ZFPM2: variants seen among roughly 807,000 people sequenced by gnomAD.
ZFPM2 encodes zinc finger protein ZFPM2.
ZFPM2 carries 20 observed loss-of-function variants against 98.6 expected under a neutral mutation model. The ratio of observed to expected loss-of-function variants is 0.20; its 90% CI spans 0.14 to 0.29. The LOEUF is 0.29. Among genes scored for constraint, ZFPM2 ranks in the 10% least tolerant of loss-of-function variants. ZFPM2 has a pLI of 1.00. For missense variants in ZFPM2, 1,310 were observed against 1,388.6 expected (o/e 0.94, Z 0.90); for synonymous variants, 518 against 502.7 (o/e 1.03, Z -0.41).
At chr8:105,348,493 AT>A (rs1480511870) in intron 1 of ZFPM2, among the ~76,000 whole-genome samples, 2 of 152,188 alleles carry the variant, frequency 1.3e-5, no homozygotes, top group African/African-American at 2.4e-5. Flanking sequence ...GTGAAAGCCT[AT>A]TGATTATATT....
chr8:105,482,883 T>C (rs1320417592), intron 3 of ZFPM2, among the ~76,000 whole-genome samples: 2 of 149,884 alleles, frequency 1.3e-5, no homozygotes, highest in African/African-American at 4.9e-5. Flanking sequence ...CTTTCTTTCC[T>C]TCCTTCCTTC....
intron 5 of ZFPM2, among the ~76,000 whole-genome samples, chr8:105,648,445 C>A (rs1586172807): frequency 6.6e-6 from 1 of 152,210 alleles, no homozygotes; most frequent in Admixed American, 6.5e-5. Flanking sequence ...GACATGAAGT[C>A]CTTGCCCATG....
Position 105,799,590 on chromosome 8 carries a change from G to A in ZFPM2, c.964+642G>A, listed in dbSNP as rs11997217. Among the ~76,000 whole-genome samples, 1,124 of 152,116 alleles carry A rather than the reference G, an allele frequency of 7.4e-3. 17 individuals are homozygous for A. The highest frequency in any genetic ancestry group is 0.026 in the African/African-American group (1,064 of 41,530). On this transcript the variant is annotated intron_variant, in intron 7 of 7. Transcript: ENST00000407775. ...CCCTCTCAATAGCAAGGTGGCAACT[G>A]TTTCTATTTAATTTGGAATTGTATG...
intron 5 of ZFPM2, among the ~76,000 whole-genome samples, chr8:105,726,196 T>G (rs919663745): frequency 1.3e-5 from 2 of 151,598 alleles, no homozygotes; most frequent in African/African-American, 4.8e-5. Flanking sequence ...TATTTTTCTG[T>G]TTTTGCATGA....
intron 4 of ZFPM2, among the ~76,000 whole-genome samples, chr8:105,603,876 G>T (rs1816143657): frequency 6.6e-6 from 1 of 151,934 alleles, no homozygotes; most frequent in Non-Finnish European, 1.5e-5. Context: ...GGCCTCTGTT[G>T]CTTTCTCCAC....
At chr8:105,613,705 G>A (rs1459600310) in intron 4 of ZFPM2, among the ~76,000 whole-genome samples, 1 of 152,094 alleles carries the variant, frequency 6.6e-6, no homozygotes, top group Non-Finnish European at 1.5e-5. Context: ...ACTAAGATAA[G>A]GGTGTTCAGT....
chr8:105,444,362 A>T lies in ZFPM2; in HGVS notation c.282A>T (p.Thr94=). The T allele has an allele frequency of 6.2e-7, 1 of 1,611,984 alleles. No homozygotes were observed. Among genetic ancestry groups the T allele is most frequent in the Non-Finnish European group, 8.5e-7 (1 of 1,178,952 alleles). Residue 94 remains threonine (T), a synonymous_variant, in exon 3 of 8, where the codon ACA becomes ACT. Transcript: ENST00000407775. Reference sequence around the variant, plus strand: ...AACCGGGGCAACCTGGAGTTGAGACAGACGACTGGGATGGACCAGGTAGGG... The same window carrying T: ...AACCGGGGCAACCTGGAGTTGAGACTGACGACTGGGATGGACCAGGTAGGG... ...SEKPGQPGVE[T]DDWDGPGELE...
At chr8:105,426,371 C>T (rs2130118061) in intron 2 of ZFPM2, among the ~76,000 whole-genome samples, 1 of 152,196 alleles carries the variant, frequency 6.6e-6, no homozygotes, top group Middle Eastern at 3.4e-3. Context: ...ATCTTTGACT[C>T]CTTGTTTTCT....
Position 105,483,341 on chromosome 8 carries a change from G to C in ZFPM2, c.301+38960G>C, listed in dbSNP as rs1436199612. ...GTGGTGGCTTATGTCTGTAATCCCA[G>C]CACTTTGGGAAGCTGAGGCGAGTGG... On this transcript the variant is annotated intron_variant, in intron 3 of 7. Coordinates refer to ENST00000407775, the MANE Select transcript of ZFPM2 (RefSeq NM_012082.4). Among the ~76,000 whole-genome samples, 3 of 152,034 alleles carry C rather than the reference G, an allele frequency of 2.0e-5. No individual in the cohort carries two copies. In the East Asian group the frequency reaches 5.8e-4, roughly 30 times the overall value.
At chr8:105,446,589 T>C (rs1651484429) in intron 3 of ZFPM2, among the ~76,000 whole-genome samples, 1 of 152,166 alleles carries the variant, frequency 6.6e-6, no homozygotes. Context: ...ATGAAGAATT[T>C]TCCATTTTCG....
intron 5 of ZFPM2, among the ~76,000 whole-genome samples, chr8:105,647,084 C>T (rs1817062713): frequency 6.6e-6 from 1 of 152,136 alleles, no homozygotes; most frequent in African/African-American, 2.4e-5. Context: ...GCCTTTACTT[C>T]CTGATCTGTT....
intron 1 of ZFPM2, among the ~76,000 whole-genome samples, chr8:105,325,271 A>T (rs1432451371): frequency 2.6e-5 from 4 of 151,904 alleles, no homozygotes; most frequent in Admixed American, 6.6e-5. Context: ...ACTGAAATGC[A>T]ATTAAATTAA....
intron 3 of ZFPM2, among the ~76,000 whole-genome samples, chr8:105,506,661 T>C (rs1813704157): frequency 6.6e-6 from 1 of 152,108 alleles, no homozygotes; most frequent in Admixed American, 6.6e-5. Context: ...CACTTATTTT[T>C]CAGTAAGTAT....
chr8:105,551,989 C>T (rs1814865242), intron 3 of ZFPM2, among the ~76,000 whole-genome samples: 1 of 152,102 alleles, frequency 6.6e-6, no homozygotes, highest in African/African-American at 2.4e-5. Flanking sequence ...TTAACGACAG[C>T]AGCCTATGAA....
intron 5 of ZFPM2, among the ~76,000 whole-genome samples, chr8:105,639,909 C>T (rs186451277): frequency 6.6e-5 from 10 of 152,018 alleles, no homozygotes; most frequent in Admixed American, 5.3e-4. Context: ...GGATTTTTTT[C>T]TTGGGCACGT....
At chr8:105,431,971 G>A (rs1162055404) in intron 2 of ZFPM2, among the ~76,000 whole-genome samples, 2 of 151,418 alleles carry the variant, frequency 1.3e-5, no homozygotes, top group African/African-American at 4.9e-5. Context: ...AAGTTGGCGA[G>A]GCATTAACTA....
intron 5 of ZFPM2, among the ~76,000 whole-genome samples, chr8:105,756,022 A>T (rs1162515683): frequency 6.6e-6 from 1 of 152,174 alleles, no homozygotes; most frequent in African/African-American, 2.4e-5. Context: ...GTGTAAAAAT[A>T]TGAGAACAAA....
intron 1 of ZFPM2, among the ~76,000 whole-genome samples, chr8:105,346,057 G>A (rs1406778666): frequency 6.6e-6 from 1 of 152,078 alleles, no homozygotes; most frequent in Non-Finnish European, 1.5e-5. Context: ...ACATACAGGT[G>A]TTATGGCATA....
chr8:105,412,360 C>A (rs1246188938), intron 1 of ZFPM2, among the ~76,000 whole-genome samples: 2 of 151,590 alleles, frequency 1.3e-5, no homozygotes, highest in Non-Finnish European at 2.9e-5. Flanking sequence ...CAGGTAATTT[C>A]CTTCAACTTT....
Sources: gnomAD v4.1 joint callset for allele counts (sites outside exome capture counted in the v4.1 genomes callset) on GRCh38, gnomAD v4.1.1 for gene constraint, MANE v1.5 for transcripts, NCBI Gene and HGNC (gene_info 2026-07-23, HGNC 2026-07-21) for gene names.